CEP152: variants seen among roughly 807,000 people sequenced by gnomAD.
CEP152 encodes the protein centrosomal protein of 152 kDa.
In CEP152, 132 loss-of-function variants were observed where a neutral mutation model predicts 188.9. The observed-to-expected ratio is 0.70, with a 90% CI of 0.61 to 0.81. The LOEUF is 0.81. Ranked by LOEUF, CEP152 falls within the 30% of genes least tolerant of loss-of-function variation. The pLI is 0.00. For synonymous variants in CEP152, 649 were observed against 666.6 expected, an observed-to-expected ratio of 0.97 and a Z score of 0.41; for missense variants, 1,914 against 1,969.8, an observed-to-expected ratio of 0.97 and a Z score of 0.54.
intron 1 of CEP152, among the ~76,000 whole-genome samples, chr15:48,807,822 G>A (rs1312772311): frequency 2.6e-5 from 4 of 152,096 alleles, no homozygotes; most frequent in African/African-American, 4.8e-5. Flanking sequence ...ATTTATAAGA[G>A]CCTATTGCTA....
rs1210176033 is a variant in CEP152 at position 48,741,079 on chromosome 15, G to GT, written c.4093+521dup. On this transcript the variant is annotated intron_variant, in intron 26 of 26. Transcript: ENST00000380950. ...AGGTTTCCATCTTCCATCCTATACT[G>GT]TCTTCTTTCTCTCAGGGATTTCTTG... 1.1e-5 allele frequency: 11 copies of GT among 995,096 alleles called. No homozygotes were observed. The Admixed American group carries it at 4.7e-4, about 42-fold the overall frequency. 61.6% of individuals were successfully genotyped at this position (995,096 alleles called of 1,614,324 possible).
At position 48,762,455 on chromosome 15, in the gene CEP152, T is replaced by C; in HGVS notation, c.2498A>G (p.Lys833Arg). 1 of 1,614,020 alleles carries C rather than the reference T, an allele frequency of 6.2e-7. No individual in the cohort carries two copies. Among genetic ancestry groups the C allele is most frequent in the Non-Finnish European group, 8.5e-7 (1 of 1,179,894 alleles). ...AATTTCGAGTTTCTTCATAGCCCCC[T>C]TGATGGCTATGTCCTTCTCTTGTTC... ...NLEQEKDIAI[K>R]GAMKKLEIEL... is the part of the protein sequence containing the mutation. The change falls in exon 18 of 27, where the codon AAG (lysine) becomes AGG (arginine). Residue 833 changes from lysine (K) to arginine (R), a missense_variant. Physicochemically the swap from Lys to Arg is conservative, Grantham distance 26. Coordinates refer to ENST00000380950, the MANE Select transcript of CEP152 (RefSeq NM_001194998.2).
At position 48,729,265 on chromosome 15, in the gene CEP152, G is replaced by A. The variant is rs145957990; in HGVS notation, c.143-12096C>T. On this transcript the variant is annotated intron_variant and NMD_transcript_variant, in intron 2 of 3. Transcript: ENST00000561245. ...AATGTATGTATGTTGGCTGGGCACA[G>A]TGGCTCACGCCTGTAATCTCAACAC... 1.9e-3 allele frequency: 296 copies of A among 152,372 alleles called. 5 individuals carry two copies. In the East Asian group the frequency reaches 0.055, roughly 28 times the overall value. The allele number at this position is 152,372 out of a possible 1,614,324, so 9.4% of individuals were successfully genotyped here. A position where few individuals can be genotyped will look rare whatever the true frequency, so the allele number is the denominator to read the frequency against.
chr15:48,782,912 G>T (rs1331266561), intron 10 of CEP152, among the ~76,000 whole-genome samples: 1 of 152,116 alleles, frequency 6.6e-6, no homozygotes, highest in Non-Finnish European at 1.5e-5. Flanking sequence ...GAAAACAAAG[G>T]CTATAAAACT....
In CEP152 at chr15:48,782,180, T is replaced by C. The variant is rs1286652913; in HGVS notation, c.1372A>G (p.Lys458Glu). 6.2e-7 allele frequency: 1 copy of C among 1,613,980 alleles called. No individual in the cohort carries two copies. Among genetic ancestry groups the C allele is most frequent in the East Asian group, 2.2e-5 (1 of 44,870 alleles). Residue 458 changes from lysine (K) to glutamate (E), a missense_variant, in exon 11 of 27, where the codon AAG (lysine) becomes GAG (glutamate). Physicochemically the swap from Lys to Glu is moderately conservative, Grantham distance 56. Coordinates refer to ENST00000380950, the MANE Select transcript of CEP152 (RefSeq NM_001194998.2). ...QLQFQLQQAQ[K>E]AHAMSANMNK... ...ATGTTTGCACTCATAGCATGTGCCT[T>C]CTGTGCTTGCTGCAGCTGGAACTGT...
At chr15:48,765,391 G>T (rs1263358780) in intron 17 of CEP152, among the ~76,000 whole-genome samples, 2 of 151,806 alleles carry the variant, frequency 1.3e-5, no homozygotes, top group Non-Finnish European at 1.5e-5. Flanking sequence ...TAAGTTTTGG[G>T]ATACACGTGA....
chr15:48,756,148 G>A lies in CEP152; in HGVS notation c.3100C>T (p.Arg1034Trp), dbSNP rs184240876. ...TACTGATAGATTTCCAGTTGGATCC[G>A]CTTGGCTTCCTGCATAGTCCATTCT... ...RREWTMQEAK[R>W]IQLEIYQYEE... The change falls in exon 20 of 27, where the codon CGG becomes TGG. Residue 1034 changes from arginine (R) to tryptophan (W), a missense_variant. Coordinates refer to ENST00000380950, the MANE Select transcript of CEP152 (RefSeq NM_001194998.2). 6.4e-5 allele frequency: 103 copies of A among 1,614,034 alleles called. 1 individual carries two copies. In the Admixed American group the frequency reaches 1.3e-3, roughly 20 times the overall value.
intron 2 of CEP152, among the ~76,000 whole-genome samples, chr15:48,804,894 T>C (rs1031492905): frequency 4.6e-5 from 7 of 152,242 alleles, no homozygotes; most frequent in African/African-American, 1.2e-4. Flanking sequence ...CATGGCCTTC[T>C]GGCCGCTCCA....
intron 24 of CEP152, among the ~76,000 whole-genome samples, chr15:48,742,336 A>T (rs184928494): frequency 1.4e-4 from 21 of 152,352 alleles, no homozygotes; most frequent in Middle Eastern, 3.4e-3. Context: ...TATAGTAAGG[A>T]AACATGGCAT....
At position 48,738,996 on chromosome 15, in the gene CEP152, A is replaced by T; in HGVS notation, c.4386T>A (p.Pro1462=). Residue 1462 remains proline (P), a synonymous_variant, in exon 27 of 27, where the codon CCT becomes CCA. Coordinates refer to ENST00000380950, the MANE Select transcript of CEP152 (RefSeq NM_001194998.2). ...CTTCACCTTCACAAGGAACAAACTC[A>T]GGAGAAACATTCCTTGGCAAACTGT... ...HLNSLPRNVS[P]EFVPCEGEGG... The T allele has an allele frequency of 1.2e-6, 2 of 1,614,144 alleles. No individual in the cohort carries two copies. Among genetic ancestry groups the T allele is most frequent in the Non-Finnish European group, 1.7e-6 (2 of 1,180,008 alleles).
chr15:48,799,673 T>G (rs976754742), intron 2 of CEP152, among the ~76,000 whole-genome samples: 31 of 152,192 alleles, frequency 2.0e-4, no homozygotes, highest in African/African-American at 7.5e-4. Context: ...CAGAGTTGAC[T>G]GAGAGATATA....
intron 20 of CEP152, among the ~76,000 whole-genome samples, chr15:48,754,318 A>G (rs1421206131): frequency 6.6e-6 from 1 of 152,120 alleles, no homozygotes; most frequent in Non-Finnish European, 1.5e-5. Context: ...AAAAGACTCC[A>G]GGGTTGATTT....
intron 21 of CEP152, 82 bp downstream of exon 21, chr15:48,752,267 G>T: frequency 6.2e-7 from 1 of 1,609,192 alleles, no homozygotes; most frequent in South Asian, 1.1e-5. Context: ...TCACATCTAT[G>T]ATCTCCTTTT....
chr15:48,777,689 T>C (rs1349253481), intron 12 of CEP152, among the ~76,000 whole-genome samples: 1 of 152,076 alleles, frequency 6.6e-6, no homozygotes, highest in Non-Finnish European at 1.5e-5. Flanking sequence ...GTAGAAAATA[T>C]AAATTACAAG....
chr15:48,741,850 T>C (rs905268410), intron 25 of CEP152, 97 bp downstream of exon 25: 54 of 1,611,440 alleles, frequency 3.4e-5, no homozygotes, highest in Non-Finnish European at 4.2e-5. Flanking sequence ...TGGCTGATCA[T>C]GTAGAAATAG....
intron 19 of CEP152, among the ~76,000 whole-genome samples, chr15:48,759,190 C>T (rs1313329201): frequency 6.6e-6 from 1 of 152,050 alleles, no homozygotes; most frequent in Non-Finnish European, 1.5e-5. Flanking sequence ...TTTATCTTTG[C>T]TATTGGATAT....
At chr15:48,730,616 T>C (rs1284773733) in intron 2 of CEP152, among the ~76,000 whole-genome samples, 1 of 152,182 alleles carries the variant, frequency 6.6e-6, no homozygotes, top group Non-Finnish European at 1.5e-5. Flanking sequence ...GAACATTGAA[T>C]GCACAGACAC....
chr15:48,739,086 C>T lies in CEP152; in HGVS notation c.4296G>A (p.Lys1432=), dbSNP rs768919003. 9.9e-6 allele frequency: 16 copies of T among 1,614,076 alleles called. No homozygotes were observed. The highest frequency in any genetic ancestry group is 1.7e-5 in the Admixed American group (1 of 60,012). ...LLENSEHQSI[K]HVGSKETHLE... ...AATGTGTCTCTTTGGATCCCACATG[C>T]TTTATGCTCTGATGCTCTGAGTTCT... The change falls in exon 27 of 27, where the codon AAG becomes AAA. Residue 1432 remains lysine, a synonymous_variant. Transcript: ENST00000380950.
intron 12 of CEP152, among the ~76,000 whole-genome samples, chr15:48,776,196 A>G (rs1165852779): frequency 2.0e-5 from 3 of 152,132 alleles, no homozygotes; most frequent in Non-Finnish European, 4.4e-5. Context: ...ATTAAGCTAT[A>G]TATTTATGTT....
Sources: allele counts gnomAD v4.1 joint callset (sites outside exome capture counted in the v4.1 genomes callset), GRCh38; gene constraint gnomAD v4.1.1; transcripts MANE v1.5; gene names NCBI Gene and HGNC (gene_info 2026-07-23, HGNC 2026-07-21).